SYT6: variants seen among roughly 807,000 people sequenced by gnomAD.
SYT6 encodes the protein synaptotagmin 6.
In SYT6, 24 loss-of-function variants were observed where a neutral mutation model predicts 38.4. The observed-to-expected ratio is 0.62, with a 90% CI of 0.45 to 0.88. SYT6 has a LOEUF of 0.88. SYT6 is among the 40% of genes least tolerant of loss of function. The pLI, the probability that SYT6 is intolerant of heterozygous loss-of-function variation, is 0.00. For synonymous variants in SYT6, 265 were observed against 241.9 expected, an observed-to-expected ratio of 1.10 and a Z score of -0.89; for missense variants, 611 against 621.0, an observed-to-expected ratio of 0.98 and a Z score of 0.17.
intron 3 of SYT6, among the ~76,000 whole-genome samples, chr1:114,112,993 G>C (rs1676777673): frequency 6.6e-6 from 1 of 152,180 alleles, no homozygotes; most frequent in South Asian, 2.1e-4. Flanking sequence ...AATGTTTCTT[G>C]CAAACAAGTG....
At chr1:114,125,480 T>C (rs1332839095) in intron 3 of SYT6, among the ~76,000 whole-genome samples, 2 of 152,150 alleles carry the variant, frequency 1.3e-5, no homozygotes, top group East Asian at 3.9e-4. Context: ...ATATTAAATA[T>C]TCATGGAGAA....
At chr1:114,121,647 T>C (rs1183960132) in intron 3 of SYT6, among the ~76,000 whole-genome samples, 1 of 152,228 alleles carries the variant, frequency 6.6e-6, no homozygotes, top group African/African-American at 2.4e-5. Flanking sequence ...AATATATTAG[T>C]TATATAGTGT....
At chr1:114,110,198 C>T (rs927711575) in intron 3 of SYT6, among the ~76,000 whole-genome samples, 1 of 152,188 alleles carries the variant, frequency 6.6e-6, no homozygotes, top group African/African-American at 2.4e-5. Context: ...GACACCCACA[C>T]CAGAGACCAT....
chr1:114,094,961 C>T (rs1242625909), intron 6 of SYT6, among the ~76,000 whole-genome samples: 1 of 152,170 alleles, frequency 6.6e-6, no homozygotes, highest in Non-Finnish European at 1.5e-5. Context: ...GGTTTACATG[C>T]ATTTTAATAA....
At chr1:114,153,452 G>A (rs2101142224) in intron 1 of SYT6, among the ~76,000 whole-genome samples, 158 bp downstream of exon 1, 1 of 152,366 alleles carries the variant, frequency 6.6e-6, no homozygotes, top group South Asian at 2.1e-4. Context: ...GGCTGTGCAA[G>A]CGATGGGCCA....
At chr1:114,112,715 C>T (rs936013300) in intron 3 of SYT6, among the ~76,000 whole-genome samples, 1 of 152,254 alleles carries the variant, frequency 6.6e-6, no homozygotes, top group Non-Finnish European at 1.5e-5. Context: ...CTTCCACTGT[C>T]ATCTTCATTA....
chr1:114,120,053 A>G (rs1045101318), intron 3 of SYT6, among the ~76,000 whole-genome samples: 1 of 129,586 alleles, frequency 7.7e-6, no homozygotes, highest in Non-Finnish European at 1.5e-5. Flanking sequence ...CCTGGGCGAC[A>G]GAGAGAGACT....
At chr1:114,135,120 C>T (rs116274769) in intron 3 of SYT6, among the ~76,000 whole-genome samples, 145 of 152,066 alleles carry the variant, frequency 9.5e-4, no homozygotes, top group African/African-American at 3.1e-3. Flanking sequence ...CTCAGACAGA[C>T]GGTAAGACAG....
At chr1:114,097,691 C>T in intron 6 of SYT6, 36 bp downstream of exon 6, 1 of 1,607,998 alleles carries the variant, frequency 6.2e-7, no homozygotes, top group Non-Finnish European at 8.5e-7. Context: ...CACTGCCATG[C>T]AGCAAACATG....
intron 3 of SYT6, among the ~76,000 whole-genome samples, chr1:114,105,764 C>T (rs1018983357): frequency 2.0e-5 from 3 of 152,174 alleles, no homozygotes; most frequent in Non-Finnish European, 4.4e-5. Context: ...TCGTGACTCT[C>T]GAGAGAGTGG....
intron 3 of SYT6, among the ~76,000 whole-genome samples, chr1:114,120,939 A>G (rs1034916094): frequency 6.6e-6 from 1 of 152,180 alleles, no homozygotes; most frequent in Non-Finnish European, 1.5e-5. Flanking sequence ...TGGCTGGAGA[A>G]CAGAGCTGCA....
chr1:114,090,769 T>G lies in SYT6; in HGVS notation c.*1365A>C, dbSNP rs1396837501. On this transcript the variant is annotated 3_prime_UTR_variant, in exon 8 of 8. Transcript: ENST00000610222. ...GAGATTGAGCAAATCAACCTGGTTT[T>G]AGGGGTTGGTGGGAAGACCACTATT... The G allele has an allele frequency of 6.6e-6, 1 of 152,408 alleles. No homozygotes were observed. The highest frequency in any genetic ancestry group is 2.4e-5 in the African/African-American group (1 of 41,460). The allele number at this position is 152,408 out of a possible 1,614,324, so 9.4% of individuals were successfully genotyped here. A position where few individuals can be genotyped will look rare whatever the true frequency, so the allele number is the denominator to read the frequency against.
At chr1:114,136,882 C>T (rs1032441947) in intron 3 of SYT6, among the ~76,000 whole-genome samples, 14 of 151,650 alleles carry the variant, frequency 9.2e-5, no homozygotes, top group African/African-American at 2.2e-4. Context: ...GGAGTTACCG[C>T]GTGTCTTGTT....
chr1:114,143,346 T>C (rs1678972305), intron 1 of SYT6, among the ~76,000 whole-genome samples: 1 of 149,014 alleles, frequency 6.7e-6, no homozygotes, highest in African/African-American at 2.4e-5. Context: ...TATACTTATA[T>C]GTATAAAAGT....
chr1:114,121,063 C>T (rs1376605133), intron 3 of SYT6, among the ~76,000 whole-genome samples: 1 of 152,228 alleles, frequency 6.6e-6, no homozygotes, highest in Admixed American at 6.5e-5. Flanking sequence ...TCTCCATAGC[C>T]ACCAAGGCCC....
chr1:114,100,166 T>G (rs1048110775), intron 4 of SYT6, among the ~76,000 whole-genome samples: 2 of 152,238 alleles, frequency 1.3e-5, no homozygotes, highest in Non-Finnish European at 2.9e-5. Context: ...AAACCTAGTG[T>G]ATCTCATAGC....
At chr1:114,123,120 C>A (rs1027692892) in intron 3 of SYT6, among the ~76,000 whole-genome samples, 1 of 152,240 alleles carries the variant, frequency 6.6e-6, no homozygotes, top group East Asian at 1.9e-4. Context: ...GCAGGGCTCC[C>A]GGCAGTGTCT....
At chr1:114,119,803 G>A (rs1677266567) in intron 3 of SYT6, among the ~76,000 whole-genome samples, 1 of 152,194 alleles carries the variant, frequency 6.6e-6, no homozygotes, top group South Asian at 2.1e-4. Flanking sequence ...CGGGCACGGT[G>A]GCTCACGCCT....
chr1:114,139,943 C>T lies in SYT6; in HGVS notation c.184G>A (p.Ala62Thr), dbSNP rs755618817. The T allele has an allele frequency of 4.9e-5, 74 of 1,508,370 alleles. No homozygotes were observed. The highest frequency in any genetic ancestry group is 1.1e-4 in the Admixed American group (5 of 44,028). The allele number at this position is 1,508,370 out of a possible 1,614,324, so 93.4% of individuals were successfully genotyped here. ...ACGCCACACACAATAACTACAACTG[C>T]GAGGAGGCTGACAGAGGTGCCTGCC... ...AGAGTSVSLL[A>T]VVVIVCGVAL... Residue 62 changes from alanine to threonine, a missense_variant, in exon 2 of 8, where the codon GCA becomes ACA. Ala to Thr is a moderately conservative substitution (Grantham distance 58). Transcript: ENST00000610222.
Sources: gnomAD v4.1 joint callset for allele counts (sites outside exome capture counted in the v4.1 genomes callset) on GRCh38, gnomAD v4.1.1 for gene constraint, MANE v1.5 for transcripts, NCBI Gene and HGNC (gene_info 2026-07-23, HGNC 2026-07-21) for gene names.